The following KLF3 variants were observed in gnomAD, a reference collection of about 807,000 sequenced individuals.
The protein encoded by KLF3 is KLF transcription factor 3.
KLF3 carries 6 observed loss-of-function variants against 32.7 expected under a neutral mutation model. The ratio of observed to expected loss-of-function variants is 0.18; its 90% CI spans 0.10 to 0.36. KLF3 has a LOEUF of 0.36. Ranked by LOEUF, KLF3 falls within the 10% of genes least tolerant of loss-of-function variation. The pLI is 1.00. For missense variants in KLF3, 338 were observed against 449.7 expected (o/e 0.75, Z 2.25); for synonymous variants, 145 against 172.8 (o/e 0.84, Z 1.26).
chr4:38,690,118 TC>T (rs1434022874), intron 4 of KLF3: 6 of 428,044 alleles, frequency 1.4e-5, no homozygotes, highest in African/African-American at 1.2e-4. Flanking sequence ...GAATCAGTCA[TC>T]CATGATTTTG....
Position 38,697,278 on chromosome 4 carries a change from T to C in KLF3, c.*15T>C, listed in dbSNP as rs1426248362. ...TGCTAGTCTGATTGCCTCTGTGTCC[T>C]GCCTCAGCGTGACTCCCCACTCACC... is the stretch of plus-strand genomic sequence containing the variant. On this transcript the variant is annotated 3_prime_UTR_variant, in exon 6 of 6. Transcript: ENST00000261438. The C allele has an allele frequency of 6.3e-7, 1 of 1,580,436 alleles. No individual in the cohort carries two copies. The highest frequency in any genetic ancestry group is 8.6e-7 in the Non-Finnish European group (1 of 1,159,306).
chr4:38,689,216 G>GC (rs1268374336), intron 3 of KLF3, 145 bp downstream of exon 3: 93 of 1,023,800 alleles, frequency 9.1e-5, no homozygotes, highest in Non-Finnish European at 8.6e-5. Context: ...TCCTTCCCCC[G>GC]CCCCCCCAAA....
At chr4:38,667,196 A>AAT (rs1722070612) in intron 1 of KLF3, among the ~76,000 whole-genome samples, 1 of 152,212 alleles carries the variant, frequency 6.6e-6, no homozygotes, top group African/African-American at 2.4e-5. Context: ...TCATGAATAT[A>AAT]GGGTCAGGGA....
At chr4:38,667,012 A>G (rs1230821814) in intron 1 of KLF3, among the ~76,000 whole-genome samples, 4 of 152,218 alleles carry the variant, frequency 2.6e-5, no homozygotes, top group Non-Finnish European at 5.9e-5. Context: ...TTCATTAGGA[A>G]GGTCTCTGCT....
intron 1 of KLF3, among the ~76,000 whole-genome samples, chr4:38,665,188 C>A (rs1721989349): frequency 6.6e-6 from 1 of 152,108 alleles, no homozygotes; most frequent in Non-Finnish European, 1.5e-5. Flanking sequence ...ATGAGCTGGT[C>A]GGGTTTGGAG....
At chr4:38,676,290 A>G (rs756555764) in intron 1 of KLF3, among the ~76,000 whole-genome samples, 5 of 152,008 alleles carry the variant, frequency 3.3e-5, no homozygotes, top group African/African-American at 9.7e-5. Flanking sequence ...AAAGTATAAA[A>G]CTAAGCCAGG....
rs183701981 is a variant in KLF3 at position 38,693,141 on chromosome 4, T to C, written c.696-1605T>C. 2.7e-4 allele frequency among the ~76,000 whole-genome samples: 36 copies of C among 134,376 alleles called. 1 individual carries two copies. The highest frequency in any genetic ancestry group is 7.0e-4 in the South Asian group (3 of 4,310). 88.2% of individuals were successfully genotyped at this position (134,376 alleles called of 152,430 possible). A position where few individuals can be genotyped will look rare whatever the true frequency, so the allele number is the denominator to read the frequency against. ...ACATATATATATACGTGTATATATA[T>C]GTGTATATATATACATATATATAAT... On this transcript the variant is annotated intron_variant, in intron 4 of 5. Transcript: ENST00000261438.
At chr4:38,675,900 G>A (rs1722331830) in intron 1 of KLF3, among the ~76,000 whole-genome samples, 2 of 152,212 alleles carry the variant, frequency 1.3e-5, no homozygotes, top group African/African-American at 4.8e-5. Flanking sequence ...TCTCAGTTAT[G>A]TGGAAGGCAC....
chr4:38,675,571 C>T (rs187655199), intron 1 of KLF3, among the ~76,000 whole-genome samples: 32 of 152,174 alleles, frequency 2.1e-4, no homozygotes, highest in African/African-American at 7.2e-4. Flanking sequence ...CATTTAGAGC[C>T]TCCTCTTCTC....
In KLF3 at chr4:38,700,939, A is replaced by T. The variant is rs1723178022; in HGVS notation, c.*3676A>T. ...GGGAATTCAGTAATGACATTTTGTC[A>T]TGTCAAACTGTGAACATAAATTTGT... is the stretch of plus-strand genomic sequence containing the variant. On this transcript the variant is annotated 3_prime_UTR_variant, in exon 6 of 6. Coordinates refer to ENST00000261438, the MANE Select transcript of KLF3 (RefSeq NM_016531.6). The T allele has an allele frequency of 6.6e-6, 1 of 152,206 alleles. No homozygotes were observed. The highest frequency in any genetic ancestry group is 1.5e-5 in the Non-Finnish European group (1 of 68,026). The allele number at this position is 152,206 out of a possible 1,614,324, so 9.4% of individuals were successfully genotyped here.
At position 38,698,524 on chromosome 4, in the gene KLF3, T is replaced by A. The variant is rs1374916165; in HGVS notation, c.*1261T>A. 2 of 152,674 alleles carry A rather than the reference T, an allele frequency of 1.3e-5. No homozygotes were observed. The highest frequency in any genetic ancestry group is 4.8e-5 in the African/African-American group (2 of 41,456). The allele number at this position is 152,674 out of a possible 1,614,324, so 9.5% of individuals were successfully genotyped here. A position where few individuals can be genotyped will look rare whatever the true frequency, so the allele number is the denominator to read the frequency against. On this transcript the variant is annotated 3_prime_UTR_variant, in exon 6 of 6. Transcript: ENST00000261438. Reference sequence around the variant, plus strand: ...AATATAACTAGTTGTGAAGCACACATACCTTTATTTTGGGAATTTATGAGA... The same window carrying A: ...AATATAACTAGTTGTGAAGCACACAAACCTTTATTTTGGGAATTTATGAGA...
chr4:38,666,406 C>T (rs1450264149), intron 1 of KLF3, among the ~76,000 whole-genome samples: 1 of 149,038 alleles, frequency 6.7e-6, no homozygotes, highest in African/African-American at 2.5e-5. Context: ...TTTTCCTTAC[C>T]TGTACTTAGT....
At chr4:38,668,192 T>A (rs1722097851) in intron 1 of KLF3, among the ~76,000 whole-genome samples, 1 of 152,242 alleles carries the variant, frequency 6.6e-6, no homozygotes, top group Non-Finnish European at 1.5e-5. Context: ...CAGTTGTGGG[T>A]TAATGAATTT....
intron 4 of KLF3, among the ~76,000 whole-genome samples, chr4:38,691,890 C>A (rs1300922386): frequency 6.6e-6 from 1 of 152,176 alleles, no homozygotes; most frequent in African/African-American, 2.4e-5. Flanking sequence ...CACCCAGTAC[C>A]ACTGCAGTGA....
chr4:38,670,280 A>G (rs191392830), intron 1 of KLF3, among the ~76,000 whole-genome samples: 116 of 152,336 alleles, frequency 7.6e-4, no homozygotes, highest in Middle Eastern at 6.8e-3. Flanking sequence ...AGGAGGACCC[A>G]GAATTGCCCT....
chr4:38,694,662 C>A, intron 4 of KLF3, 84 bp from the exon 5 acceptor site: 2 of 1,181,542 alleles, frequency 1.7e-6, no homozygotes, highest in Non-Finnish European at 2.3e-6. Flanking sequence ...TTGTTTTTGC[C>A]CAGTGTTGTT....
chr4:38,682,592 T>C (rs1722563106), intron 2 of KLF3, among the ~76,000 whole-genome samples: 1 of 152,202 alleles, frequency 6.6e-6, no homozygotes, highest in Non-Finnish European at 1.5e-5. Flanking sequence ...CCAGTGCTTT[T>C]AATCAAGCAT....
At chr4:38,676,963 T>G (rs1357399637) in intron 1 of KLF3, among the ~76,000 whole-genome samples, 3 of 150,400 alleles carry the variant, frequency 2.0e-5, no homozygotes, top group African/African-American at 4.9e-5. Flanking sequence ...TGTGTTTTTT[T>G]TTTTTTTTTT....
At chr4:38,682,134 C>G (rs1206175115) in intron 2 of KLF3, among the ~76,000 whole-genome samples, 1 of 152,282 alleles carries the variant, frequency 6.6e-6, no homozygotes, top group South Asian at 2.1e-4. Flanking sequence ...CCTCAGCTCA[C>G]TGCAACCTCC....
Sources: allele counts gnomAD v4.1 joint callset (sites outside exome capture counted in the v4.1 genomes callset), GRCh38; gene constraint gnomAD v4.1.1; transcripts MANE v1.5; gene names NCBI Gene and HGNC (gene_info 2026-07-23, HGNC 2026-07-21).